BMERB1: variants seen among roughly 807,000 people sequenced by gnomAD.
BMERB1 encodes bMERB domain containing 1.
Under a neutral mutation model 23.6 loss-of-function variants are expected in BMERB1, and 12 were observed. That is an observed-to-expected ratio of 0.51 (90% CI 0.33 to 0.82). The LOEUF is 0.82. Among genes scored for constraint, BMERB1 ranks in the 40% least tolerant of loss-of-function variants. The probability of loss-of-function intolerance (pLI) is 0.03; values close to 1 mark genes in which losing one functional copy is unlikely to be tolerated. For synonymous variants in BMERB1, 122 were observed against 96.6 expected, an observed-to-expected ratio of 1.26 and a Z score of -1.54; for missense variants, 247 against 255.4, an observed-to-expected ratio of 0.97 and a Z score of 0.22.
intron 2 of BMERB1, among the ~76,000 whole-genome samples, chr16:15,521,311 G>A (rs1781857770): frequency 6.6e-6 from 1 of 152,210 alleles, no homozygotes; most frequent in South Asian, 2.1e-4. Context: ...AATGCAGACA[G>A]TCAAAGTTTG....
chr16:15,470,202 T>A (rs1169560914), intron 1 of BMERB1, among the ~76,000 whole-genome samples: 1 of 152,198 alleles, frequency 6.6e-6, no homozygotes, highest in Non-Finnish European at 1.5e-5. Flanking sequence ...TTGGATTTTG[T>A]CAAATGCTTT....
chr16:15,521,517 A>T (rs1001129551), intron 2 of BMERB1, among the ~76,000 whole-genome samples: 3 of 152,156 alleles, frequency 2.0e-5, no homozygotes, highest in Non-Finnish European at 4.4e-5. Context: ...ACCCCAACCC[A>T]GGACACCCAC....
chr16:15,465,966 C>A (rs776079792), intron 1 of BMERB1, among the ~76,000 whole-genome samples: 2 of 152,152 alleles, frequency 1.3e-5, no homozygotes, highest in African/African-American at 4.8e-5. Flanking sequence ...GGTGAATATA[C>A]CACAAATTCT....
At chr16:15,554,394 G>GA (rs2030185190) in intron 2 of BMERB1, among the ~76,000 whole-genome samples, 1 of 152,142 alleles carries the variant, frequency 6.6e-6, no homozygotes, top group Non-Finnish European at 1.5e-5. Flanking sequence ...GCTTAATCCA[G>GA]AGCCTGACAC....
At chr16:15,562,411 ACT>A (rs1166036879) in intron 2 of BMERB1, among the ~76,000 whole-genome samples, 2 of 151,840 alleles carry the variant, frequency 1.3e-5, no homozygotes, top group African/African-American at 4.8e-5. Context: ...TGGTGCCAAA[ACT>A]CTGCCTCCTA....
At chr16:15,569,222 A>C (rs554125151) in intron 3 of BMERB1, among the ~76,000 whole-genome samples, 90 of 152,242 alleles carry the variant, frequency 5.9e-4, no homozygotes, top group African/African-American at 2.0e-3. Context: ...ACTCAAAAAA[A>C]AGAAAGAGAG....
chr16:15,534,903 A>G (rs951508889), intron 2 of BMERB1, among the ~76,000 whole-genome samples: 1 of 152,186 alleles, frequency 6.6e-6, no homozygotes, highest in African/African-American at 2.4e-5. Context: ...CATAATTCCA[A>G]GCAAAAACCA....
intron 1 of BMERB1, among the ~76,000 whole-genome samples, chr16:15,471,922 G>A (rs907643042): frequency 1.3e-5 from 2 of 152,122 alleles, no homozygotes; most frequent in African/African-American, 4.8e-5. Context: ...TTTACACTGA[G>A]TACAGTCTCT....
At chr16:15,462,738 A>T (rs920463986) in intron 1 of BMERB1, among the ~76,000 whole-genome samples, 5 of 152,134 alleles carry the variant, frequency 3.3e-5, no homozygotes, top group Non-Finnish European at 7.4e-5. Context: ...GGATATGGAG[A>T]GAGGAGAAGC....
chr16:15,463,939 A>T (rs1168878707), intron 1 of BMERB1, among the ~76,000 whole-genome samples: 1 of 152,174 alleles, frequency 6.6e-6, no homozygotes, highest in Non-Finnish European at 1.5e-5. Context: ...TCCAGACTGC[A>T]AGAGAGGGCT....
chr16:15,543,339 G>C (rs1385973722), intron 2 of BMERB1, among the ~76,000 whole-genome samples: 1 of 152,114 alleles, frequency 6.6e-6, no homozygotes, highest in Non-Finnish European at 1.5e-5. Flanking sequence ...GGGTGGTCCA[G>C]AGCGGTTTTG....
At chr16:15,575,482 T>G (rs1396977055) in intron 3 of BMERB1, among the ~76,000 whole-genome samples, 1 of 152,180 alleles carries the variant, frequency 6.6e-6, no homozygotes, top group African/African-American at 2.4e-5. Flanking sequence ...TTTCCATGCT[T>G]GGGGTGGGGG....
chr16:15,494,909 A>C (rs1003245972), intron 1 of BMERB1, among the ~76,000 whole-genome samples: 8 of 100,264 alleles, frequency 8.0e-5, no homozygotes, highest in South Asian at 6.9e-4. Flanking sequence ...TTTGAGAAGG[A>C]GTCTTGCTCT....
chr16:15,446,403 TAAAG>T (rs1004105237), intron 1 of BMERB1, among the ~76,000 whole-genome samples: 6 of 152,000 alleles, frequency 3.9e-5, no homozygotes, highest in Admixed American at 6.6e-5. Context: ...TCTAAAAAAA[TAAAG>T]AAAATGATTA....
intron 1 of BMERB1, among the ~76,000 whole-genome samples, chr16:15,511,818 C>G (rs1322628976): frequency 6.6e-6 from 1 of 151,946 alleles, no homozygotes; most frequent in African/African-American, 2.4e-5. Context: ...TCAAAACCAG[C>G]CTGGCCAAAA....
intron 2 of BMERB1, among the ~76,000 whole-genome samples, chr16:15,560,239 A>G (rs760761553): frequency 1.3e-5 from 2 of 152,202 alleles, no homozygotes; most frequent in Admixed American, 6.5e-5. Flanking sequence ...GGAGGATTCA[A>G]TGACATGCTA....
chr16:15,536,023 G>A (rs116364764), intron 2 of BMERB1, among the ~76,000 whole-genome samples: 2,164 of 152,224 alleles, frequency 0.014, 59 homozygotes, highest in African/African-American at 0.051. Context: ...CCCTCGACAC[G>A]TGGGGATTAC....
chr16:15,467,438 A>G (rs1373303182), intron 1 of BMERB1, among the ~76,000 whole-genome samples: 2 of 152,254 alleles, frequency 1.3e-5, no homozygotes, highest in South Asian at 2.1e-4. Context: ...CTTTATATCT[A>G]ATGCTGTTGC....
At chr16:15,465,709 G>T (rs1024107141) in intron 1 of BMERB1, among the ~76,000 whole-genome samples, 8 of 152,148 alleles carry the variant, frequency 5.3e-5, no homozygotes, top group African/African-American at 1.9e-4. Context: ...TAAAGATTCA[G>T]CTGGAGACTC....
Sources: allele counts gnomAD v4.1 joint callset (sites outside exome capture counted in the v4.1 genomes callset), GRCh38; gene constraint gnomAD v4.1.1; transcripts MANE v1.5; gene names NCBI Gene and HGNC (gene_info 2026-07-23, HGNC 2026-07-21).